MTUS2: variants seen among roughly 807,000 people sequenced by gnomAD.
The protein encoded by MTUS2 is microtubule associated scaffold protein 2, also known as microtubule-associated tumor suppressor candidate 2.
In MTUS2, 40 loss-of-function variants were observed where a neutral mutation model predicts 114.1. The observed-to-expected ratio is 0.35, with a 90% CI of 0.27 to 0.46. The LOEUF (loss-of-function observed/expected upper bound fraction) is 0.46, where lower values mean the gene tolerates loss of function less well. Ranked by LOEUF, MTUS2 falls within the 20% of genes least tolerant of loss-of-function variation. MTUS2 has a pLI of 1.00. For missense variants in MTUS2, 1,679 were observed against 1,705.4 expected (o/e 0.98, Z 0.27); for synonymous variants, 688 against 672.0 (o/e 1.02, Z -0.37).
chr13:29,254,355 G>T (rs890871802), intron 5 of MTUS2, among the ~76,000 whole-genome samples: 1 of 152,226 alleles, frequency 6.6e-6, no homozygotes, highest in African/African-American at 2.4e-5. Context: ...GAATGGCCTG[G>T]ACCTGTACCC....
At chr13:29,324,015 C>T (rs1207124004) in intron 6 of MTUS2, among the ~76,000 whole-genome samples, 1 of 152,196 alleles carries the variant, frequency 6.6e-6, no homozygotes, top group Non-Finnish European at 1.5e-5. Context: ...TATTGCTGGA[C>T]ACAATATGAG....
At chr13:28,866,560 T>G (rs1275933910) in intron 2 of MTUS2, among the ~76,000 whole-genome samples, 1 of 152,232 alleles carries the variant, frequency 6.6e-6, no homozygotes, top group Non-Finnish European at 1.5e-5. Flanking sequence ...AAGCCAGGTT[T>G]CAGAAGTTAT....
chr13:29,480,470 T>A lies in MTUS2; in HGVS notation c.3399+106T>A. ...GAAGTCCTATTCAGTAGGTGAGCTTTCTGAACAGTTCACTTTCTGAGTTGC... is the reference window on the plus strand; with the variant it reads ...GAAGTCCTATTCAGTAGGTGAGCTTACTGAACAGTTCACTTTCTGAGTTGC... On this transcript the variant is annotated intron_variant, in intron 10 of 15. Transcript: ENST00000612955. This position sits in a 1 kb window ranked among gnomAD's most constrained non-coding sequence, Gnocchi z 4.4. 8.3e-7 allele frequency: 1 copy of A among 1,202,298 alleles called. No individual in the cohort carries two copies. Among genetic ancestry groups the A allele is most frequent in the Non-Finnish European group, 1.1e-6 (1 of 882,260 alleles). 74.5% of individuals were successfully genotyped at this position (1,202,298 alleles called of 1,614,324 possible).
chr13:28,859,596 T>C (rs1876848006), intron 2 of MTUS2, among the ~76,000 whole-genome samples: 1 of 152,144 alleles, frequency 6.6e-6, no homozygotes, highest in Non-Finnish European at 1.5e-5. Context: ...CTCAGTGTCG[T>C]GTAGAGTAGA....
At chr13:29,165,760 G>A (rs1412227515) in intron 5 of MTUS2, among the ~76,000 whole-genome samples, 1 of 152,208 alleles carries the variant, frequency 6.6e-6, no homozygotes, top group Non-Finnish European at 1.5e-5. Context: ...CTGAGTGGAA[G>A]GGAAATGTTA....
At chr13:28,904,540 G>A (rs1161755521) in intron 2 of MTUS2, among the ~76,000 whole-genome samples, 1 of 152,068 alleles carries the variant, frequency 6.6e-6, no homozygotes, top group Non-Finnish European at 1.5e-5. Context: ...TTTTTGTCAG[G>A]TTTGTCAAAG....
intron 2 of MTUS2, among the ~76,000 whole-genome samples, chr13:28,908,769 CTA>C (rs1294305350): frequency 1.3e-5 from 2 of 151,530 alleles, no homozygotes; most frequent in Non-Finnish European, 2.9e-5. Flanking sequence ...TTGCCCATGC[CTA>C]TGTCCTGAAT....
chr13:29,481,475 T>C (rs749246638), intron 10 of MTUS2, among the ~76,000 whole-genome samples: 4 of 152,172 alleles, frequency 2.6e-5, no homozygotes, highest in Non-Finnish European at 4.4e-5. Context: ...TTGCTTTATA[T>C]AGTGTGCTTA....
chr13:29,238,554 A>G (rs899449259), intron 5 of MTUS2, among the ~76,000 whole-genome samples: 49 of 152,324 alleles, frequency 3.2e-4, no homozygotes, highest in African/African-American at 1.2e-3. Flanking sequence ...GGCAGGAAGC[A>G]TACAGCATAG....
chr13:29,475,819 C>T (rs139645497), intron 9 of MTUS2, among the ~76,000 whole-genome samples: 1,664 of 152,112 alleles, frequency 0.011, 16 homozygotes, highest in Non-Finnish European at 0.017. Context: ...TCAAGTAAAA[C>T]GGTTATGGTA....
intron 5 of MTUS2, among the ~76,000 whole-genome samples, chr13:29,235,562 A>G (rs1238053005): frequency 6.6e-6 from 1 of 152,226 alleles, no homozygotes; most frequent in Non-Finnish European, 1.5e-5. Flanking sequence ...AGTTGAAACT[A>G]TTAAACGTGT....
At chr13:28,944,508 TCTTTGTGATGAATC>T (rs1422058093) in intron 2 of MTUS2, among the ~76,000 whole-genome samples, 1 of 152,190 alleles carries the variant, frequency 6.6e-6, no homozygotes, top group Non-Finnish European at 1.5e-5. Flanking sequence ...TGTTTCCCAT[TCTTTGTGATGAATC>T]CTTTGTGGTC....
At chr13:29,016,799 G>T (rs1028101664) in intron 2 of MTUS2, among the ~76,000 whole-genome samples, 2 of 152,194 alleles carry the variant, frequency 1.3e-5, no homozygotes, top group African/African-American at 4.8e-5. Flanking sequence ...GCAGGCTCCA[G>T]AGAGCTATTA....
At chr13:29,439,721 T>C (rs1445774245) in intron 8 of MTUS2, among the ~76,000 whole-genome samples, 1 of 152,186 alleles carries the variant, frequency 6.6e-6, no homozygotes, top group African/African-American at 2.4e-5. Context: ...TGCAGGATGA[T>C]ATACAGGAGT....
Position 29,418,542 on chromosome 13 carries a change from C to T in MTUS2, c.3118-21441C>T, listed in dbSNP as rs368394670. 2.0e-4 allele frequency among the ~76,000 whole-genome samples: 31 copies of T among 152,318 alleles called. No homozygotes were observed. In the East Asian group the frequency reaches 3.9e-3, roughly 19 times the overall value. On this transcript the variant is annotated intron_variant, in intron 8 of 15. Coordinates refer to ENST00000612955, the MANE Select transcript of MTUS2 (RefSeq NM_001033602.4). ...CAGCTAGCCAACTTCCGTAGTTCTG[C>T]ATAAGTTAGATTATTCAGATTGCTG...
intron 7 of MTUS2, among the ~76,000 whole-genome samples, chr13:29,352,052 T>A (rs1869334854): frequency 6.6e-6 from 1 of 152,236 alleles, no homozygotes; most frequent in African/African-American, 2.4e-5. Context: ...TCTTTTTGCA[T>A]GCATCTGCAA....
rs1338616255 is a variant in MTUS2 at position 29,025,690 on chromosome 13, A to G, written c.992A>G (p.Tyr331Cys). The G allele has an allele frequency of 6.2e-7, 1 of 1,613,880 alleles. No individual in the cohort carries two copies. The highest frequency in any genetic ancestry group is 1.3e-5 in the African/African-American group (1 of 74,926). The change falls in exon 3 of 16, where the codon TAT becomes TGT. Residue 331 changes from tyrosine (Y) to cysteine (C), a missense_variant. Coordinates refer to ENST00000612955, the MANE Select transcript of MTUS2 (RefSeq NM_001033602.4). ...EQEGKAAQEG[Y>C]LGCHKEENLS... The stretch of plus-strand genomic sequence containing the variant: ...GAGGGAAAGGCAGCCCAGGAAGGGT[A>G]TCTGGGATGCCACAAGGAAGAGAAT...
intron 2 of MTUS2, among the ~76,000 whole-genome samples, chr13:28,878,809 T>G (rs530462404): frequency 6.6e-6 from 1 of 152,336 alleles, no homozygotes; most frequent in South Asian, 2.1e-4. Context: ...CACGTATCTT[T>G]ATAGTAGAAT....
At chr13:29,478,317 G>A (rs1256751787) in intron 9 of MTUS2, among the ~76,000 whole-genome samples, 1 of 152,212 alleles carries the variant, frequency 6.6e-6, no homozygotes, top group Non-Finnish European at 1.5e-5. Context: ...TGACAGTGCG[G>A]TGGTTAAGTT....
Sources: allele counts gnomAD v4.1 joint callset (sites outside exome capture counted in the v4.1 genomes callset), GRCh38; gene constraint gnomAD v4.1.1; non-coding constraint Gnocchi (gnomAD v3.1); transcripts MANE v1.5; gene names NCBI Gene and HGNC (gene_info 2026-07-23, HGNC 2026-07-21).